TAFA1: variants seen among roughly 807,000 people sequenced by gnomAD.
TAFA1 encodes chemokine-like protein TAFA-1.
In TAFA1, 4 loss-of-function variants were observed where a neutral mutation model predicts 18.5. The observed-to-expected ratio is 0.22, with a 90% CI of 0.11 to 0.49. TAFA1 has a LOEUF of 0.49. TAFA1 is among the 20% of genes least tolerant of loss of function. The probability of loss-of-function intolerance (pLI) is 0.98; values close to 1 mark genes in which losing one functional copy is unlikely to be tolerated. For synonymous variants in TAFA1, 56 were observed against 55.2 expected (o/e 1.01, Z -0.06); for missense variants, 147 against 169.0 (o/e 0.87, Z 0.72).
At chr3:68,213,869 T>C (rs774169512) in intron 2 of TAFA1, among the ~76,000 whole-genome samples, 10 of 152,112 alleles carry the variant, frequency 6.6e-5, no homozygotes, top group Non-Finnish European at 1.3e-4. Flanking sequence ...TCTTCCAATA[T>C]TGAATCAATT....
chr3:68,305,694 CTCTAGTGGGTT>C (rs1217063685), intron 2 of TAFA1, among the ~76,000 whole-genome samples: 5 of 151,394 alleles, frequency 3.3e-5, no homozygotes, highest in Admixed American at 6.6e-5. Context: ...TGCCTTATAC[CTCTAGTGGGTT>C]TTCAAGTATC....
chr3:68,214,323 G>A (rs2066629674), intron 2 of TAFA1, among the ~76,000 whole-genome samples: 1 of 152,070 alleles, frequency 6.6e-6, no homozygotes, highest in South Asian at 2.1e-4. Flanking sequence ...ATTGATCTCT[G>A]AGTATAGAAG....
chr3:68,225,790 T>A (rs1403772920), intron 2 of TAFA1, among the ~76,000 whole-genome samples: 1 of 152,112 alleles, frequency 6.6e-6, no homozygotes, highest in African/African-American at 2.4e-5. Context: ...AATTGTGTAA[T>A]CTTGAGCATG....
intron 2 of TAFA1, among the ~76,000 whole-genome samples, chr3:68,252,728 TA>T (rs373837553): frequency 4.9e-4 from 75 of 152,302 alleles, no homozygotes; most frequent in African/African-American, 1.6e-3. Flanking sequence ...CCCAGCTACT[TA>T]AAATCTCTGT....
intron 2 of TAFA1, among the ~76,000 whole-genome samples, chr3:68,298,280 A>G (rs1020851637): frequency 1.3e-5 from 2 of 152,108 alleles, no homozygotes; most frequent in African/African-American, 4.8e-5. Flanking sequence ...CAACATATTG[A>G]ATTAGTTGAT....
chr3:68,479,555 T>C (rs1247787538), intron 3 of TAFA1, among the ~76,000 whole-genome samples: 1 of 152,172 alleles, frequency 6.6e-6, no homozygotes, highest in African/African-American at 2.4e-5. Context: ...GGACATTTTG[T>C]TATTTTCTTC....
intron 2 of TAFA1, among the ~76,000 whole-genome samples, chr3:68,117,465 A>G (rs2065337834): frequency 6.6e-6 from 1 of 152,244 alleles, no homozygotes; most frequent in African/African-American, 2.4e-5. Context: ...GCTGAATTTA[A>G]TGATAGGTTA....
chr3:68,487,646 G>A (rs2106672738), intron 3 of TAFA1, among the ~76,000 whole-genome samples: 1 of 151,904 alleles, frequency 6.6e-6, no homozygotes, highest in Non-Finnish European at 1.5e-5. Context: ...TAGCTACTCG[G>A]GAGGGTGAGG....
chr3:68,497,589 A>C (rs1172522018), intron 3 of TAFA1, among the ~76,000 whole-genome samples: 1 of 152,136 alleles, frequency 6.6e-6, no homozygotes, highest in Admixed American at 6.6e-5. Context: ...CTAAGCTAGG[A>C]AACAGCCTGG....
chr3:68,319,551 C>T (rs576010436), intron 2 of TAFA1, among the ~76,000 whole-genome samples: 1 of 152,132 alleles, frequency 6.6e-6, no homozygotes, highest in African/African-American at 2.4e-5. Flanking sequence ...AAACCCTGCC[C>T]GAATGGCTTA....
chr3:68,393,774 C>G (rs2070314311), intron 2 of TAFA1, among the ~76,000 whole-genome samples: 1 of 152,088 alleles, frequency 6.6e-6, no homozygotes, highest in African/African-American at 2.4e-5. Flanking sequence ...ACGTGATTAT[C>G]TCAATAGATG....
At chr3:68,093,254 C>G (rs2065048673) in intron 2 of TAFA1, among the ~76,000 whole-genome samples, 2 of 152,098 alleles carry the variant, frequency 1.3e-5, no homozygotes, top group South Asian at 2.1e-4. Context: ...GTATATGTCT[C>G]TCAAATTCAC....
chr3:68,467,686 T>C (rs1380183918), intron 3 of TAFA1, among the ~76,000 whole-genome samples: 1 of 152,176 alleles, frequency 6.6e-6, no homozygotes, highest in South Asian at 2.1e-4. Flanking sequence ...ACAGGATTTT[T>C]CCTGAAGGCA....
the TAFA1 span, among the ~76,000 whole-genome samples, chr3:67,993,878 A>C: frequency 6.6e-6 from 1 of 151,738 alleles, no homozygotes; most frequent in Non-Finnish European, 1.5e-5. Context: ...GTTCCTATAT[A>C]TAGGGGAGGG....
At chr3:68,087,864 T>G (rs904708568) in intron 2 of TAFA1, among the ~76,000 whole-genome samples, 24 of 147,148 alleles carry the variant, frequency 1.6e-4, no homozygotes, top group Non-Finnish European at 2.8e-4. Context: ...ATTTAAAAAA[T>G]TTTTTTCTAC....
intron 2 of TAFA1, among the ~76,000 whole-genome samples, chr3:68,073,522 G>C (rs181514392): frequency 2.0e-5 from 3 of 152,228 alleles, no homozygotes; most frequent in African/African-American, 7.2e-5. Context: ...AGCACTATGA[G>C]GGTGGCCATG....
chr3:68,509,480 T>C lies in TAFA1; in HGVS notation c.260-29276T>C, dbSNP rs113659630. ...AGGCCATTATCAAGACAAAACTAATTCTTAATTTTACAGGAACAACAAAAA... is the reference window on the plus strand; with the variant it reads ...AGGCCATTATCAAGACAAAACTAATCCTTAATTTTACAGGAACAACAAAAA... On this transcript the variant is annotated intron_variant, in intron 3 of 4. Transcript: ENST00000478136. Among the ~76,000 whole-genome samples, 748 of 152,182 alleles carry C rather than the reference T, an allele frequency of 4.9e-3. 4 individuals carry two copies. Among genetic ancestry groups the C allele is most frequent in the African/African-American group, 0.017 (705 of 41,536 alleles).
intron 2 of TAFA1, among the ~76,000 whole-genome samples, chr3:68,270,646 A>T (rs922683417): frequency 1.6e-4 from 24 of 152,176 alleles, no homozygotes; most frequent in African/African-American, 5.5e-4. Context: ...TCCAAACTCA[A>T]GTACCCTTCC....
intron 3 of TAFA1, among the ~76,000 whole-genome samples, chr3:68,506,843 T>A (rs1182663364): frequency 1.5e-5 from 2 of 135,924 alleles, no homozygotes; most frequent in African/African-American, 5.6e-5. Context: ...TTTCATTTCA[T>A]TTAAATTATT....
Sources: allele counts gnomAD v4.1 joint callset (sites outside exome capture counted in the v4.1 genomes callset), GRCh38; gene constraint gnomAD v4.1.1; transcripts MANE v1.5; gene names NCBI Gene and HGNC (gene_info 2026-07-23, HGNC 2026-07-21).